The following ASPHD1 variants were observed in gnomAD, a reference collection of about 807,000 sequenced individuals.
ASPHD1 encodes the protein aspartate beta-hydroxylase domain-containing protein 1.
A neutral mutation model predicts 28.3 loss-of-function variants in ASPHD1; 20 were observed. The ratio of observed to expected loss-of-function variants is 0.71; its 90% CI spans 0.50 to 1.03. The LOEUF (loss-of-function observed/expected upper bound fraction) is 1.03, where lower values mean the gene tolerates loss of function less well. Ranked by LOEUF, ASPHD1 falls within the 50% of genes least tolerant of loss-of-function variation. ASPHD1 has a pLI of 0.00. For missense variants in ASPHD1, 479 were observed against 524.1 expected, an observed-to-expected ratio of 0.91 and a Z score of 0.84; for synonymous variants, 240 against 221.2, an observed-to-expected ratio of 1.08 and a Z score of -0.75.
chr16:29,907,082 G>A (rs140743858), downstream of ASPHD1: 114 of 1,610,734 alleles, frequency 7.1e-5, no homozygotes, highest in Middle Eastern at 1.2e-3. Context: ...GGGTCTCCTC[G>A]AAGATCCGGG....
At chr16:29,900,476 C>T (rs374026034), upstream of ASPHD1, 3 of 159,928 alleles carry the variant, frequency 1.9e-5, no homozygotes, top group African/African-American at 4.8e-5. Flanking sequence ...CAACTCTCCC[C>T]CCTCCCCCGG....
At position 29,911,239 on chromosome 16, in the gene ASPHD1, C is replaced by T. The variant is rs117167836; in HGVS notation, c.*62+5280C>T. On this transcript the variant is annotated intron_variant and NMD_transcript_variant, in intron 3 of 3. Coordinates refer to the ASPHD1 transcript ENST00000414952. Reference sequence around the variant, plus strand: ...CCCCTCCCTCTGTACCCCCAGAAGACGGGCCTGGATGCATTCCCAGTCCTC... The same window carrying T: ...CCCCTCCCTCTGTACCCCCAGAAGATGGGCCTGGATGCATTCCCAGTCCTC... 291 of 1,296,516 alleles carry T rather than the reference C, an allele frequency of 2.2e-4. 2 individuals carry two copies. The highest frequency in any genetic ancestry group is 1.9e-3 in the East Asian group (79 of 42,188). 80.3% of individuals were successfully genotyped at this position (1,296,516 alleles called of 1,614,324 possible).
chr16:29,904,060 C>T (rs570651756), intron 1 of ASPHD1, among the ~76,000 whole-genome samples: 9 of 152,028 alleles, frequency 5.9e-5, no homozygotes, highest in Non-Finnish European at 1.2e-4. Flanking sequence ...AATACCAGCA[C>T]TTTGGGAGGC....
intron 2 of ASPHD1, 193 bp downstream of exon 2, chr16:29,905,158 G>A: frequency 1.9e-6 from 1 of 517,600 alleles, no homozygotes; most frequent in Non-Finnish European, 3.4e-6. Context: ...GTAACTGCAA[G>A]GATTAAATGA....
chr16:29,911,926 T>G (rs1300009750), intron 3 of ASPHD1: 1 of 1,606,464 alleles, frequency 6.2e-7, no homozygotes, highest in South Asian at 1.1e-5. Flanking sequence ...GCCCCCCCAG[T>G]GAGCCTCCAC....
In ASPHD1 at chr16:29,901,029, A is replaced by G; in HGVS notation, c.58A>G (p.Thr20Ala). Residue 20 changes from threonine to alanine, a missense_variant, in exon 1 of 3, where the codon ACA becomes GCA. By Grantham distance (58) the Thr-to-Ala change is moderately conservative. Transcript: ENST00000308748. The surrounding 1 kb of genome is among the most constrained non-coding windows in gnomAD (Gnocchi z 5.1). ...GAGAGGACCGCGGAAGGAGAGAGAGACAGCCCAGAGTGGAATGTGGAAGGG... is the reference window on the plus strand; with the variant it reads ...GAGAGGACCGCGGAAGGAGAGAGAGGCAGCCCAGAGTGGAATGTGGAAGGG... The part of the protein sequence containing the change: ...VERGPRKERE[T>A]AQSGMWKGNS... The G allele has an allele frequency of 6.3e-7, 1 of 1,580,614 alleles. No homozygotes were observed. Among genetic ancestry groups the G allele is most frequent in the Non-Finnish European group, 8.6e-7 (1 of 1,162,808 alleles).
chr16:29,904,776 A>T, intron 1 of ASPHD1, 76 bp from the exon 2 acceptor site: 1 of 870,472 alleles, frequency 1.1e-6, no homozygotes, highest in Non-Finnish European at 1.8e-6. Flanking sequence ...ACTTAGAGCT[A>T]GTTGCTAATT....
At chr16:29,903,913 A>G (rs892259570) in intron 1 of ASPHD1, among the ~76,000 whole-genome samples, 5 of 152,168 alleles carry the variant, frequency 3.3e-5, no homozygotes, top group African/African-American at 1.2e-4. Flanking sequence ...TATACCTCTC[A>G]GTGAGACAGC....
chr16:29,912,441 G>GTTTTCT (rs1387710508), intron 3 of ASPHD1: 1 of 257,960 alleles, frequency 3.9e-6, no homozygotes, highest in Non-Finnish European at 7.3e-6. Context: ...TGTGTTATCA[G>GTTTTCT]TTTTCTTTTT....
intron 1 of ASPHD1, among the ~76,000 whole-genome samples, chr16:29,904,181 C>T (rs1349185974): frequency 6.6e-6 from 1 of 152,014 alleles, no homozygotes; most frequent in Non-Finnish European, 1.5e-5. Flanking sequence ...TGCAGTGGCT[C>T]ACACCTGTAA....
At chr16:29,915,585 G>A (rs1408492336) in intron 3 of ASPHD1, among the ~76,000 whole-genome samples, 6 of 151,192 alleles carry the variant, frequency 4.0e-5, no homozygotes, top group African/African-American at 1.5e-4. Flanking sequence ...CCAGGAGGAG[G>A]AGGTTGCAGT....
chr16:29,902,026 T>G (rs933359533), intron 1 of ASPHD1, 106 bp downstream of exon 1: 18 of 920,012 alleles, frequency 2.0e-5, no homozygotes, highest in Middle Eastern at 3.2e-4. Context: ...TGTGCCTCTC[T>G]TCTTCCATGG....
At chr16:29,911,896 G>A (rs1415069924) in intron 3 of ASPHD1, 2 of 1,611,198 alleles carry the variant, frequency 1.2e-6, no homozygotes, top group South Asian at 2.2e-5. Context: ...TGGACGAGAG[G>A]GGTGAGGCTG....
intron 3 of ASPHD1, among the ~76,000 whole-genome samples, chr16:29,912,537 T>C (rs1317709579): frequency 6.6e-6 from 1 of 152,186 alleles, no homozygotes; most frequent in Non-Finnish European, 1.5e-5. Flanking sequence ...ACCTCCCGGG[T>C]TAAAGCAATT....
intron 1 of ASPHD1, among the ~76,000 whole-genome samples, chr16:29,902,600 C>T (rs142868700): frequency 0.025 from 3,726 of 151,520 alleles, 162 homozygotes; most frequent in African/African-American, 0.083. Flanking sequence ...CTCCACCTCC[C>T]GGGTTCATAC....
At chr16:29,904,828 G>A (rs746447121) in intron 1 of ASPHD1, 24 bp from the exon 2 acceptor site, 2 of 1,559,378 alleles carry the variant, frequency 1.3e-6, no homozygotes, top group South Asian at 2.3e-5. Context: ...CAGGAGTGCT[G>A]GATGCCCGCG....
chr16:29,900,858 G>A lies in ASPHD1; in HGVS notation c.-114G>A. 1.1e-6 allele frequency: 1 copy of A among 899,470 alleles called. No individual in the cohort carries two copies. Among genetic ancestry groups the A allele is most frequent in the East Asian group, 2.7e-5 (1 of 37,716 alleles). 55.7% of individuals were successfully genotyped at this position (899,470 alleles called of 1,614,324 possible). On this transcript the variant is annotated 5_prime_UTR_variant, in exon 1 of 3. Transcript: ENST00000308748. The stretch of plus-strand genomic sequence containing the variant: ...GGAGAGAGAAGCAGAGCGAGAGAGA[G>A]GAGGCTGCTGGAAGGAGAAAGAAGA...
intron 1 of ASPHD1, 140 bp from the exon 2 acceptor site, chr16:29,904,712 G>T: frequency 7.5e-6 from 4 of 534,612 alleles, no homozygotes; most frequent in East Asian, 3.4e-5. Context: ...TAATTATACT[G>T]TGGCCACTTT....
chr16:29,918,612 AG>A (rs2068851138), intron 3 of ASPHD1, among the ~76,000 whole-genome samples: 1 of 151,470 alleles, frequency 6.6e-6, no homozygotes, highest in African/African-American at 2.4e-5. Flanking sequence ...CTGGGACTAC[AG>A]GCACCCACCA....
Sources: allele counts gnomAD v4.1 joint callset (sites outside exome capture counted in the v4.1 genomes callset), GRCh38; gene constraint gnomAD v4.1.1; non-coding constraint Gnocchi (gnomAD v3.1); transcripts MANE v1.5; gene names NCBI Gene and HGNC (gene_info 2026-07-23, HGNC 2026-07-21).